Variants in RAD17 observed in about 807,000 individuals in gnomAD.
The protein encoded by RAD17 is RAD17 checkpoint clamp loader component.
In RAD17, 31 loss-of-function variants were observed where a neutral mutation model predicts 81.5. That is an observed-to-expected ratio of 0.38 (90% CI 0.29 to 0.51). The LOEUF (loss-of-function observed/expected upper bound fraction) is 0.51, where lower values mean the gene tolerates loss of function less well. Among genes scored for constraint, RAD17 ranks in the 20% least tolerant of loss-of-function variants. RAD17 has a pLI of 0.88. For missense variants in RAD17, 681 were observed against 781.2 expected (o/e 0.87, Z 1.53); for synonymous variants, 261 against 266.2 (o/e 0.98, Z 0.19).
At chr5:69,387,900 C>T (rs1172270793) in intron 11 of RAD17, among the ~76,000 whole-genome samples, 1 of 152,112 alleles carries the variant, frequency 6.6e-6, no homozygotes, top group Non-Finnish European at 1.5e-5. Context: ...GTGGTGTGCT[C>T]CTGTATTCCC....
At chr5:69,410,362 GGTATCTCA>G in intron 17 of RAD17, 123 bp from the exon 18 acceptor site, 1 of 635,304 alleles carries the variant, frequency 1.6e-6, no homozygotes. Context: ...GATGTGAATT[GGTATCTCA>G]CTATGGCTTG....
At chr5:69,373,692 T>C in intron 4 of RAD17, 138 bp from the exon 5 acceptor site, 1 of 226,844 alleles carries the variant, frequency 4.4e-6, no homozygotes, top group East Asian at 1.1e-4. Context: ...AAAAATTTTT[T>C]TTTTTTTTTT....
At chr5:69,409,320 C>T (rs1407932061) in intron 17 of RAD17, among the ~76,000 whole-genome samples, 1 of 151,956 alleles carries the variant, frequency 6.6e-6, no homozygotes, top group African/African-American at 2.4e-5. Flanking sequence ...TGAGTAGGGC[C>T]AGGTGGGGAA....
intron 15 of RAD17, among the ~76,000 whole-genome samples, chr5:69,396,171 C>G (rs1228759073): frequency 1.3e-5 from 2 of 152,128 alleles, no homozygotes; most frequent in Non-Finnish European, 2.9e-5. Flanking sequence ...TTTCCTCCAC[C>G]CCTGTCCAAG....
chr5:69,374,593 G>T (rs1189489660), intron 5 of RAD17, 35 bp from the exon 6 acceptor site: 1 of 1,527,448 alleles, frequency 6.5e-7, no homozygotes, highest in Admixed American at 1.9e-5. Flanking sequence ...CTTCAGTTAA[G>T]AAGTTTTGTT....
chr5:69,375,183 A>G (rs1223199289), intron 6 of RAD17, among the ~76,000 whole-genome samples: 1 of 152,202 alleles, frequency 6.6e-6, no homozygotes, highest in African/African-American at 2.4e-5. Context: ...CAACTTGACT[A>G]AAAGACTCAG....
At chr5:69,412,965 T>TGACA (rs1766102466) in intron 18 of RAD17, among the ~76,000 whole-genome samples, 1 of 135,104 alleles carries the variant, frequency 7.4e-6, no homozygotes, top group African/African-American at 2.7e-5. Context: ...GTAGCCTGGG[T>TGACA]GACAGAGCAA....
intron 17 of RAD17, among the ~76,000 whole-genome samples, chr5:69,401,540 CATT>C (rs1765266967): frequency 6.6e-6 from 1 of 152,108 alleles, no homozygotes; most frequent in Non-Finnish European, 1.5e-5. Flanking sequence ...ATGCTACAAA[CATT>C]ACTATGCCTG....
Position 69,386,098 on chromosome 5 carries a change from A to G in RAD17, c.698+3A>G. On this transcript the variant is annotated splice_donor_region_variant and intron_variant, in intron 9 of 18. Transcript: ENST00000354868. Reference sequence around the variant, plus strand: ...CATACTTTACATGAAGTTCTAAGGTAGGTTTCAGTGAAGTATTCTAAAACT... The same window carrying G: ...CATACTTTACATGAAGTTCTAAGGTGGGTTTCAGTGAAGTATTCTAAAACT... 6.2e-7 allele frequency: 1 copy of G among 1,604,620 alleles called. No individual in the cohort carries two copies. Among genetic ancestry groups the G allele is most frequent in the Non-Finnish European group, 8.5e-7 (1 of 1,176,286 alleles).
chr5:69,385,828 C>T (rs889567291), intron 8 of RAD17, among the ~76,000 whole-genome samples: 2 of 152,098 alleles, frequency 1.3e-5, no homozygotes, highest in African/African-American at 2.4e-5. Context: ...AATACTGTAA[C>T]TGGAAAGCAA....
Position 69,396,547 on chromosome 5 carries a change from G to GGA in RAD17, c.1572+1_1572+2insGA. 1 of 1,248,228 alleles carries GGA rather than the reference G, an allele frequency of 8.0e-7. No homozygotes were observed. 77.3% of individuals were successfully genotyped at this position (1,248,228 alleles called of 1,614,324 possible). On this transcript the variant is annotated splice_donor_variant, in intron 16 of 18. Transcript: ENST00000354868. LOFTEE classifies it high-confidence loss of function. ...TCAGTGGTTTCTAATAAATAAAAAGGTAAAAAAAAAAAAAAAAATTCTGTA... is the reference window on the plus strand; with the variant it reads ...TCAGTGGTTTCTAATAAATAAAAAGGGATAAAAAAAAAAAAAAAAATTCTGTA...
chr5:69,414,691 T>C lies in RAD17; in HGVS notation c.*399T>C, dbSNP rs1766275155. 4.6e-6 allele frequency: 1 copy of C among 218,802 alleles called. No individual in the cohort carries two copies. The highest frequency in any genetic ancestry group is 9.1e-6 in the Non-Finnish European group (1 of 109,596). 13.6% of individuals were successfully genotyped at this position (218,802 alleles called of 1,614,324 possible). A position where few individuals can be genotyped will look rare whatever the true frequency, so the allele number is the denominator to read the frequency against. On this transcript the variant is annotated 3_prime_UTR_variant, in exon 19 of 19. Transcript: ENST00000354868. ...TAAACTGTGTGCCTTATTTACACTT[T>C]ATTGTCTCCCGCTTCTCAGATAGTT...
At chr5:69,391,009 A>G (rs370987587) in intron 12 of RAD17, among the ~76,000 whole-genome samples, 5 of 150,576 alleles carry the variant, frequency 3.3e-5, no homozygotes, top group African/African-American at 1.2e-4. Flanking sequence ...GCACTTGGGG[A>G]GGCCAATTTG....
Position 69,414,161 on chromosome 5 carries a change from G to GA in RAD17, c.1885dup (p.Thr629AsnfsTer10), listed in dbSNP as rs1181548419. 12 of 1,614,226 alleles carry GA rather than the reference G, an allele frequency of 7.4e-6. No homozygotes were observed. Among genetic ancestry groups the GA allele is most frequent in the South Asian group, 4.4e-5 (4 of 91,088 alleles). On this transcript the variant is annotated frameshift_variant, in exon 19 of 19. Coordinates refer to ENST00000354868, the MANE Select transcript of RAD17 (RefSeq NM_133338.3). LOFTEE classifies it high-confidence loss of function. ...TGAACCCACTCAAGCCACTGTGCCG[G>GA]AAACCTGGTCTCTTCCTTTGAGTCA...
intron 5 of RAD17, 28 bp downstream of exon 5, chr5:69,374,115 C>T: frequency 1.9e-6 from 3 of 1,570,794 alleles, no homozygotes; most frequent in Non-Finnish European, 2.6e-6. Context: ...GACATATCTA[C>T]ATAATTTAAT....
At position 69,369,874 on chromosome 5, in the gene RAD17, C is replaced by T. The variant is rs1762816761; in HGVS notation, c.-476C>T. 3 of 644,872 alleles carry T rather than the reference C, an allele frequency of 4.7e-6. No homozygotes were observed. The highest frequency in any genetic ancestry group is 4.0e-5 in the South Asian group (2 of 49,832). The allele number at this position is 644,872 out of a possible 1,614,324, so 39.9% of individuals were successfully genotyped here. ...GTAGGGCCAGGTGGCTGCCCTTTCA[C>T]CTAGGGTAGTCCCTGGTCGCCTCCG... On this transcript the variant is annotated 5_prime_UTR_variant, in exon 1 of 19. Transcript: ENST00000354868.
intron 17 of RAD17, among the ~76,000 whole-genome samples, chr5:69,408,291 GTTTA>G (rs1246863047): frequency 1.3e-5 from 2 of 151,990 alleles, no homozygotes; most frequent in African/African-American, 2.4e-5. Flanking sequence ...TTGTGTGCTT[GTTTA>G]TTTGTTTAGT....
chr5:69,407,227 T>C (rs1765659574), intron 17 of RAD17, among the ~76,000 whole-genome samples: 1 of 152,132 alleles, frequency 6.6e-6, no homozygotes, highest in Non-Finnish European at 1.5e-5. Context: ...GGTCTCAAAC[T>C]CCTAACCTCA....
At chr5:69,386,911 A>G (rs896210531) in intron 11 of RAD17, among the ~76,000 whole-genome samples, 3 of 147,140 alleles carry the variant, frequency 2.0e-5, no homozygotes, top group Non-Finnish European at 4.5e-5. Flanking sequence ...TTACATTCAT[A>G]TACAGCTGTT....
Sources: allele counts gnomAD v4.1 joint callset (sites outside exome capture counted in the v4.1 genomes callset), GRCh38; gene constraint gnomAD v4.1.1; transcripts MANE v1.5; gene names NCBI Gene and HGNC (gene_info 2026-07-23, HGNC 2026-07-21).